The following NEGR1 variants were observed in gnomAD, a reference collection of about 807,000 sequenced individuals.
NEGR1 encodes the protein neuronal growth regulator 1, also known as IgLON family member 4.
Under a neutral mutation model 40.9 loss-of-function variants are expected in NEGR1, and 10 were observed. The observed-to-expected ratio is 0.24, with a 90% CI of 0.15 to 0.42. The LOEUF (loss-of-function observed/expected upper bound fraction) is 0.42. Among genes scored for constraint, NEGR1 ranks in the 10% least tolerant of loss-of-function variants. The pLI is 1.00. For synonymous variants in NEGR1, 185 were observed against 166.8 expected (o/e 1.11, Z -0.84); for missense variants, 352 against 438.9 (o/e 0.80, Z 1.77).
At chr1:72,216,903 T>C (rs1461459319) in intron 1 of NEGR1, among the ~76,000 whole-genome samples, 1 of 151,282 alleles carries the variant, frequency 6.6e-6, no homozygotes. Context: ...GACTTTCCTT[T>C]AGATAGTTCT....
chr1:71,957,041 T>G (rs1409298569), intron 1 of NEGR1, among the ~76,000 whole-genome samples: 1 of 152,180 alleles, frequency 6.6e-6, no homozygotes, highest in African/African-American at 2.4e-5. Flanking sequence ...TTTAGTATGT[T>G]AATGTCCCTG....
intron 1 of NEGR1, among the ~76,000 whole-genome samples, chr1:72,104,913 G>C (rs1649078683): frequency 6.6e-6 from 1 of 152,070 alleles, no homozygotes; most frequent in South Asian, 2.1e-4. Context: ...GGACTTATCA[G>C]AGTACAGTCT....
intron 6 of NEGR1, among the ~76,000 whole-genome samples, chr1:71,438,669 C>CT (rs1311674958): frequency 6.6e-6 from 1 of 152,174 alleles, no homozygotes; most frequent in Non-Finnish European, 1.5e-5. Flanking sequence ...CTTAGTTATG[C>CT]TGTGATGAAC....
chr1:71,521,846 C>T (rs994855393), intron 6 of NEGR1, among the ~76,000 whole-genome samples: 7 of 151,854 alleles, frequency 4.6e-5, no homozygotes, highest in African/African-American at 1.7e-4. Context: ...AGAATATAGC[C>T]CAGAGGTGCC....
intron 1 of NEGR1, among the ~76,000 whole-genome samples, chr1:72,100,360 C>T (rs1249915016): frequency 2.6e-5 from 4 of 152,136 alleles, no homozygotes; most frequent in East Asian, 3.9e-4. Flanking sequence ...GTGCTTCCTC[C>T]GTTTTTACTA....
At chr1:72,014,916 A>C (rs1449797832) in intron 1 of NEGR1, among the ~76,000 whole-genome samples, 1 of 152,064 alleles carries the variant, frequency 6.6e-6, no homozygotes, top group African/African-American at 2.4e-5. Context: ...TGCCACAAGA[A>C]AGTATTCTTT....
chr1:71,614,590 C>T (rs1054986716), intron 4 of NEGR1, among the ~76,000 whole-genome samples: 2 of 152,082 alleles, frequency 1.3e-5, no homozygotes, highest in African/African-American at 4.8e-5. Flanking sequence ...AGACTGTAAT[C>T]TTTTATGATA....
chr1:72,025,840 G>A (rs2100428316), intron 1 of NEGR1, among the ~76,000 whole-genome samples: 1 of 152,134 alleles, frequency 6.6e-6, no homozygotes, highest in Admixed American at 6.5e-5. Context: ...GGCCGGGAGC[G>A]GTGGCTCACG....
intron 6 of NEGR1, among the ~76,000 whole-genome samples, chr1:71,431,065 T>A (rs1032037458): frequency 5.2e-5 from 7 of 134,552 alleles, no homozygotes; most frequent in African/African-American, 9.8e-5. Flanking sequence ...CTTTTTTTTT[T>A]ATGATCTTTT....
At chr1:71,523,911 C>T (rs925143087) in intron 6 of NEGR1, among the ~76,000 whole-genome samples, 3 of 151,832 alleles carry the variant, frequency 2.0e-5, no homozygotes, top group African/African-American at 7.2e-5. Context: ...GCTAGGAGGA[C>T]TGACAGAAAA....
At chr1:71,926,650 A>AT (rs5775093) in intron 2 of NEGR1, among the ~76,000 whole-genome samples, 130,766 of 147,248 alleles carry the variant, frequency 0.89, 58,238 homozygotes, top group Middle Eastern at 0.97. Flanking sequence ...TATCAATATG[A>AT]TTTTTTTTTT....
chr1:71,453,667 T>C (rs1646649610), intron 6 of NEGR1, among the ~76,000 whole-genome samples: 1 of 152,124 alleles, frequency 6.6e-6, no homozygotes, highest in African/African-American at 2.4e-5. Context: ...CAATAAGATG[T>C]AGGGAAAAGA....
intron 1 of NEGR1, among the ~76,000 whole-genome samples, chr1:72,253,815 A>G (rs1241885391): frequency 6.6e-6 from 1 of 152,244 alleles, no homozygotes; most frequent in Non-Finnish European, 1.5e-5. Context: ...TGATATTGAA[A>G]TGGAGATTTC....
intron 1 of NEGR1, among the ~76,000 whole-genome samples, chr1:72,237,934 C>G (rs534767239): frequency 1.3e-5 from 2 of 151,872 alleles, no homozygotes; most frequent in Non-Finnish European, 2.9e-5. Context: ...GATAACTTAG[C>G]AAAGTTGCAA....
At chr1:71,981,219 C>T (rs1244436930) in intron 1 of NEGR1, among the ~76,000 whole-genome samples, 1 of 152,076 alleles carries the variant, frequency 6.6e-6, no homozygotes, top group Non-Finnish European at 1.5e-5. Flanking sequence ...AAATGAGAGT[C>T]TCTCATTCTT....
At chr1:71,796,058 C>T (rs78485812) in intron 2 of NEGR1, among the ~76,000 whole-genome samples, 1,981 of 152,246 alleles carry the variant, frequency 0.013, 17 homozygotes, top group Admixed American at 0.02. Flanking sequence ...AATGCTGATG[C>T]TAATGTTGCT....
chr1:72,238,771 T>C (rs1181917985), intron 1 of NEGR1, among the ~76,000 whole-genome samples: 1 of 151,876 alleles, frequency 6.6e-6, no homozygotes, highest in East Asian at 1.9e-4. Flanking sequence ...AGCTTCATGC[T>C]AGTGCAGTTC....
At chr1:72,017,831 T>C (rs1332243566) in intron 1 of NEGR1, among the ~76,000 whole-genome samples, 1 of 152,126 alleles carries the variant, frequency 6.6e-6, no homozygotes, top group Non-Finnish European at 1.5e-5. Context: ...TTAAAAATAA[T>C]TTTAAGATTG....
intron 1 of NEGR1, among the ~76,000 whole-genome samples, chr1:72,183,597 A>C (rs1196546208): frequency 6.6e-6 from 1 of 152,132 alleles, no homozygotes; most frequent in African/African-American, 2.4e-5. Flanking sequence ...CACTATAAAC[A>C]AATGATTTAA....
Sources: gnomAD v4.1 joint callset for allele counts (sites outside exome capture counted in the v4.1 genomes callset) on GRCh38, gnomAD v4.1.1 for gene constraint, MANE v1.5 for transcripts, NCBI Gene and HGNC (gene_info 2026-07-23, HGNC 2026-07-21) for gene names.